The following FAM171A1 variants were observed in gnomAD, a reference collection of about 807,000 sequenced individuals.
The protein encoded by FAM171A1 is protein FAM171A1.
A neutral mutation model predicts 74.9 loss-of-function variants in FAM171A1; 23 were observed. That is an observed-to-expected ratio of 0.31 (90% confidence interval 0.22 to 0.44). FAM171A1 has a LOEUF of 0.44. Among genes scored for constraint, FAM171A1 ranks in the 20% least tolerant of loss-of-function variants. FAM171A1 has a pLI of 1.00. For missense variants in FAM171A1, 1,162 were observed against 1,159.2 expected (o/e 1.00, Z -0.03); for synonymous variants, 527 against 505.7 (o/e 1.04, Z -0.57).
chr10:15,301,751 G>A (rs1835232511), intron 1 of FAM171A1, among the ~76,000 whole-genome samples: 1 of 152,142 alleles, frequency 6.6e-6, no homozygotes, highest in African/African-American at 2.4e-5. Flanking sequence ...CTGCTGCTCT[G>A]AGTAATAAAC....
chr10:15,359,659 A>G (rs2131887864), intron 1 of FAM171A1, among the ~76,000 whole-genome samples: 1 of 152,308 alleles, frequency 6.6e-6, no homozygotes, highest in Admixed American at 6.5e-5. Context: ...ATTTCAAGAT[A>G]AAGAGATTAT....
intron 2 of FAM171A1, among the ~76,000 whole-genome samples, chr10:15,276,887 T>G (rs1330155974): frequency 6.6e-6 from 1 of 152,128 alleles, no homozygotes; most frequent in Non-Finnish European, 1.5e-5. Flanking sequence ...GGTCTCCATA[T>G]GTTGCCCAGG....
At chr10:15,219,186 G>A (rs2131709445) in intron 6 of FAM171A1, among the ~76,000 whole-genome samples, 1 of 152,190 alleles carries the variant, frequency 6.6e-6, no homozygotes, top group Admixed American at 6.5e-5. Context: ...GGAGTCTGAG[G>A]CAGGATAATT....
intron 2 of FAM171A1, among the ~76,000 whole-genome samples, chr10:15,276,212 T>C (rs187927838): frequency 3.7e-4 from 56 of 152,168 alleles, no homozygotes; most frequent in Non-Finnish European, 4.9e-4. Context: ...AGACGGACTC[T>C]CGCTTGTCAC....
At chr10:15,367,746 T>C (rs1013046545) in intron 1 of FAM171A1, among the ~76,000 whole-genome samples, 2 of 152,244 alleles carry the variant, frequency 1.3e-5, no homozygotes, top group African/African-American at 4.8e-5. Flanking sequence ...AGCAAAAAGC[T>C]AGCGCATCAT....
At chr10:15,343,786 T>C (rs1360658833) in intron 1 of FAM171A1, among the ~76,000 whole-genome samples, 1 of 152,058 alleles carries the variant, frequency 6.6e-6, no homozygotes, top group Non-Finnish European at 1.5e-5. Flanking sequence ...CCCTCCAGCC[T>C]GGACGAGAGA....
At chr10:15,315,911 A>G (rs1835416489) in intron 1 of FAM171A1, among the ~76,000 whole-genome samples, 2 of 152,160 alleles carry the variant, frequency 1.3e-5, no homozygotes, top group South Asian at 2.1e-4. Flanking sequence ...AGAAAAATAT[A>G]ATCCCACATA....
intron 1 of FAM171A1, among the ~76,000 whole-genome samples, chr10:15,331,850 T>C (rs77479675): frequency 0.31 from 20,568 of 67,218 alleles, 3,513 homozygotes; most frequent in African/African-American, 0.44. Flanking sequence ...TGTGTGTATA[T>C]ATATGTGTGT....
At chr10:15,307,426 C>A (rs888271042) in intron 1 of FAM171A1, among the ~76,000 whole-genome samples, 1 of 151,946 alleles carries the variant, frequency 6.6e-6, no homozygotes, top group Admixed American at 6.6e-5. Flanking sequence ...GGGTGGATCA[C>A]CTGAGGTCAG....
rs1419404864 is a variant in FAM171A1 at position 15,331,854 on chromosome 10, TGTGTGTATATATATGTGTGTGTATAC to T, written c.97+39076_97+39101del. Among the ~76,000 whole-genome samples, 99 of 20,068 alleles carry T rather than the reference TGTGTGTATATATATGTGTGTGTATAC, an allele frequency of 4.9e-3. 5 individuals carry two copies. The highest frequency in any genetic ancestry group is 7.1e-3 in the Non-Finnish European group (80 of 11,302). 13.2% of individuals were successfully genotyped at this position (20,068 alleles called of 152,430 possible). ...GTGTATATATATGTGTGTATATATATGTGTGTATATATATGTGTGTGTATACATATATATATATATATGAAACAATT... is the reference window on the plus strand; with the variant it reads ...GTGTATATATATGTGTGTATATATATATATATATATATATATGAAACAATT... On this transcript the variant is annotated intron_variant, in intron 1 of 7. Coordinates refer to ENST00000378116, the MANE Select transcript of FAM171A1 (RefSeq NM_001010924.2).
chr10:15,285,482 A>G (rs759460276), intron 1 of FAM171A1, among the ~76,000 whole-genome samples: 1 of 152,214 alleles, frequency 6.6e-6, no homozygotes, highest in East Asian at 1.9e-4. Context: ...TAAGCATTCA[A>G]TTAAGAGGAC....
chr10:15,293,837 A>T (rs1264170467), intron 1 of FAM171A1, among the ~76,000 whole-genome samples: 1 of 152,188 alleles, frequency 6.6e-6, no homozygotes, highest in East Asian at 1.9e-4. Context: ...AAGGGTGGGT[A>T]CCACGGGCAG....
intron 4 of FAM171A1, among the ~76,000 whole-genome samples, chr10:15,252,447 T>A (rs1834522228): frequency 6.6e-6 from 1 of 152,176 alleles, no homozygotes; most frequent in Admixed American, 6.5e-5. Context: ...CAAAGACACG[T>A]CTGGTCCAGG....
chr10:15,290,177 G>A (rs1588536245), intron 1 of FAM171A1, among the ~76,000 whole-genome samples: 4 of 151,468 alleles, frequency 2.6e-5, no homozygotes, highest in Admixed American at 6.6e-5. Flanking sequence ...GCAGTGAACC[G>A]AGACCACGCC....
At chr10:15,276,447 G>C (rs1333437086) in intron 2 of FAM171A1, among the ~76,000 whole-genome samples, 2 of 152,180 alleles carry the variant, frequency 1.3e-5, no homozygotes, top group Non-Finnish European at 2.9e-5. Flanking sequence ...CCAAAGTGTT[G>C]GGATTACAGG....
chr10:15,229,756 C>T (rs1170422409), intron 5 of FAM171A1, among the ~76,000 whole-genome samples: 7 of 57,576 alleles, frequency 1.2e-4, no homozygotes, highest in East Asian at 1.5e-3. Flanking sequence ...ACCATCATCA[C>T]CATCACCACC....
intron 5 of FAM171A1, among the ~76,000 whole-genome samples, chr10:15,230,675 C>T (rs961841114): frequency 1.3e-5 from 2 of 151,794 alleles, no homozygotes; most frequent in East Asian, 1.9e-4. Context: ...GCTGAGCTAT[C>T]GTAAGACTTA....
chr10:15,305,317 A>G (rs1159665513), intron 1 of FAM171A1, among the ~76,000 whole-genome samples: 3 of 152,168 alleles, frequency 2.0e-5, no homozygotes, highest in Non-Finnish European at 4.4e-5. Flanking sequence ...AGCACAATAA[A>G]AGACTCAGTA....
intron 1 of FAM171A1, among the ~76,000 whole-genome samples, chr10:15,302,195 G>C (rs936174584): frequency 5.3e-5 from 8 of 152,144 alleles, no homozygotes; most frequent in Admixed American, 5.2e-4. Flanking sequence ...CAGGTGCGGT[G>C]GCTCATGCCT....
Sources: gnomAD v4.1 joint callset for allele counts (sites outside exome capture counted in the v4.1 genomes callset) on GRCh38, gnomAD v4.1.1 for gene constraint, MANE v1.5 for transcripts, NCBI Gene and HGNC (gene_info 2026-07-23, HGNC 2026-07-21) for gene names.